Variants in WDR19 observed in about 807,000 individuals in gnomAD.
WDR19 encodes the protein WD repeat-containing protein 19.
In WDR19, 121 loss-of-function variants were observed where a neutral mutation model predicts 180.0. That is an observed-to-expected ratio of 0.67 (90% confidence interval 0.58 to 0.78). The LOEUF is 0.78. WDR19 is among the 30% of genes least tolerant of loss of function. The pLI, the probability that WDR19 is intolerant of heterozygous loss-of-function variation, is 0.00. For missense variants in WDR19, 1,450 were observed against 1,640.7 expected, an observed-to-expected ratio of 0.88 and a Z score of 2.01; for synonymous variants, 497 against 540.7, an observed-to-expected ratio of 0.92 and a Z score of 1.12.
intron 29 of WDR19, among the ~76,000 whole-genome samples, chr4:39,267,229 T>C (rs1734901637): frequency 6.6e-6 from 1 of 152,178 alleles, no homozygotes; most frequent in Admixed American, 6.5e-5. Context: ...CTCCTTCCCC[T>C]TTGCTTTATG....
intron 8 of WDR19, 129 bp downstream of exon 8, chr4:39,205,395 G>A (rs1727841267): frequency 8.5e-7 from 1 of 1,180,472 alleles, no homozygotes; most frequent in Non-Finnish European, 1.2e-6. Flanking sequence ...TCTGATTCAT[G>A]GTCTGTGATT....
chr4:39,205,428 T>C, intron 8 of WDR19, 135 bp from the exon 9 acceptor site: 1 of 1,200,732 alleles, frequency 8.3e-7, no homozygotes, highest in Admixed American at 2.7e-5. Flanking sequence ...CTACCTAGTA[T>C]ATTATCTGAC....
chr4:39,265,762 C>T lies in WDR19; in HGVS notation c.3184-301C>T, dbSNP rs528337269. Among the ~76,000 whole-genome samples the T allele has an allele frequency of 5.0e-5, 6 of 120,934 alleles. No individual in the cohort carries two copies. In the East Asian group the frequency reaches 1.5e-3, roughly 30 times the overall value. 79.3% of individuals were successfully genotyped at this position (120,934 alleles called of 152,430 possible). A position where few individuals can be genotyped will look rare whatever the true frequency, so the allele number is the denominator to read the frequency against. ...ACTCCAGCCTGGTGACAGAGCAAGACTCTGTCTCAAAAAAAAAAAAAAAAA... is the reference window on the plus strand; with the variant it reads ...ACTCCAGCCTGGTGACAGAGCAAGATTCTGTCTCAAAAAAAAAAAAAAAAA... On this transcript the variant is annotated intron_variant, in intron 28 of 36. Transcript: ENST00000399820.
intron 2 of WDR19, 140 bp downstream of exon 2, chr4:39,185,957 A>G: frequency 6.0e-5 from 41 of 685,560 alleles, no homozygotes; most frequent in South Asian, 9.9e-5. Context: ...GTGCAGTGGC[A>G]CGATCTCAGC....
chr4:39,200,891 G>A (rs1003970246), intron 6 of WDR19, among the ~76,000 whole-genome samples: 6 of 152,124 alleles, frequency 3.9e-5, no homozygotes, highest in Non-Finnish European at 8.8e-5. Context: ...TTGATTAATT[G>A]CCATATTTTG....
At chr4:39,234,707 TGG>T (rs1731204545) in intron 19 of WDR19, 57 bp from the exon 20 acceptor site, 4 of 1,074,178 alleles carry the variant, frequency 3.7e-6, no homozygotes, top group Middle Eastern at 2.0e-4. Flanking sequence ...TAGCTCTTTG[TGG>T]TAACTTTGCA....
intron 20 of WDR19, among the ~76,000 whole-genome samples, chr4:39,238,207 T>C (rs1372965895): frequency 6.6e-6 from 1 of 152,214 alleles, no homozygotes; most frequent in Admixed American, 6.5e-5. Context: ...CCACCAGCTA[T>C]GACTTTGACA....
intron 9 of WDR19, among the ~76,000 whole-genome samples, chr4:39,208,704 A>T (rs183476539): frequency 6.6e-6 from 1 of 152,302 alleles, no homozygotes; most frequent in Admixed American, 6.5e-5. Context: ...GACCATACAA[A>T]TGCTAACCAG....
In WDR19 at chr4:39,201,352, A is replaced by G. The variant is rs541666086; in HGVS notation, c.522+1759A>G. Among the ~76,000 whole-genome samples, 48 of 152,320 alleles carry G rather than the reference A, an allele frequency of 3.2e-4. 1 individual carries two copies. In the South Asian group the frequency reaches 8.1e-3, roughly 26 times the overall value. The stretch of plus-strand genomic sequence containing the variant: ...TGCATTTATTATTTCCCTTCATATC[A>G]TATGACTAGAACCTAGTCATGTGGC... On this transcript the variant is annotated intron_variant, in intron 6 of 36. Coordinates refer to ENST00000399820, the MANE Select transcript of WDR19 (RefSeq NM_025132.4).
At chr4:39,240,404 C>A in intron 21 of WDR19, 70 bp downstream of exon 21, 1 of 981,426 alleles carries the variant, frequency 1.0e-6, no homozygotes, top group South Asian at 2.6e-5. Context: ...TTTTAAAAAT[C>A]ATGGTCTTAT....
In WDR19 at chr4:39,285,499, TGAG is replaced by T. The variant is rs1289552698; in HGVS notation, c.*27_*29del. On this transcript the variant is annotated 3_prime_UTR_variant, in exon 37 of 37. Transcript: ENST00000399820. ...TTGTCCTTTCTAGATACAATGCTCC[TGAG>T]AAGACAGCATTTTCCACAGGAGGCT... is the stretch of plus-strand genomic sequence containing the variant. The T allele has an allele frequency of 1.3e-5, 2 of 152,234 alleles. No homozygotes were observed. Among genetic ancestry groups the T allele is most frequent in the African/African-American group, 4.8e-5 (2 of 41,472 alleles). 9.4% of individuals were successfully genotyped at this position (152,234 alleles called of 1,614,324 possible).
intron 28 of WDR19, 91 bp downstream of exon 28, chr4:39,257,645 A>G: frequency 8.4e-7 from 1 of 1,195,564 alleles, no homozygotes; most frequent in African/African-American, 1.5e-5. Context: ...AGTAGACCAA[A>G]CAGTATTACA....
chr4:39,241,372 A>C (rs1731921493), intron 21 of WDR19, among the ~76,000 whole-genome samples: 1 of 151,940 alleles, frequency 6.6e-6, no homozygotes, highest in South Asian at 2.1e-4. Flanking sequence ...GGGTGCCTAT[A>C]ATCCCAGCTA....
rs756769725 is a variant in WDR19 at position 39,218,138 on chromosome 4, G to A, written c.1479+33G>A. 6.4e-6 allele frequency: 10 copies of A among 1,566,024 alleles called. No individual in the cohort carries two copies. The East Asian group carries it at 2.3e-4, about 36-fold the overall frequency. Reference sequence around the variant, plus strand: ...TTGCCTTCTTTTTTAGAGAACACTGGGAATTTTTAATTTTTATTTTGTGAT... The same window carrying A: ...TTGCCTTCTTTTTTAGAGAACACTGAGAATTTTTAATTTTTATTTTGTGAT... On this transcript the variant is annotated intron_variant, in intron 14 of 36. Transcript: ENST00000399820.
intron 16 of WDR19, 38 bp from the exon 17 acceptor site, chr4:39,228,448 T>C (rs749503389): frequency 1.9e-6 from 3 of 1,609,730 alleles, no homozygotes; most frequent in Non-Finnish European, 2.5e-6. Context: ...GTGCTGAGTA[T>C]TAGCTTTCAG....
At chr4:39,232,357 G>C in intron 19 of WDR19, 85 bp downstream of exon 19, 1 of 1,120,586 alleles carries the variant, frequency 8.9e-7, no homozygotes. Flanking sequence ...GGGTGCAGCC[G>C]CTCACGCCTC....
chr4:39,230,229 G>C (rs143540081), intron 17 of WDR19, among the ~76,000 whole-genome samples: 3 of 152,114 alleles, frequency 2.0e-5, no homozygotes, highest in African/African-American at 7.2e-5. Flanking sequence ...TGTTCCACTG[G>C]CTGCTGAAAT....
chr4:39,253,285 G>A lies in WDR19; in HGVS notation c.2869G>A (p.Val957Ile). ...CCAGTCTCTGGATGGAGCCAAAATG[G>A]TAGCCAGGTAACATAATACATTAAT... ...ETQSLDGAKMVARFFLQLGDY... is the reference protein window; with the variant it reads ...ETQSLDGAKMIARFFLQLGDY... The change falls in exon 25 of 37, where the codon GTA (valine) becomes ATA (isoleucine). Residue 957 changes from valine (V) to isoleucine (I), a missense_variant. Coordinates refer to ENST00000399820, the MANE Select transcript of WDR19 (RefSeq NM_025132.4). The A allele has an allele frequency of 6.2e-7, 1 of 1,611,146 alleles. No individual in the cohort carries two copies. Among genetic ancestry groups the A allele is most frequent in the Non-Finnish European group, 8.5e-7 (1 of 1,179,184 alleles).
intron 21 of WDR19, 142 bp downstream of exon 21, chr4:39,240,476 G>T: frequency 2.6e-6 from 1 of 383,768 alleles, no homozygotes; most frequent in Non-Finnish European, 4.5e-6. Context: ...AACCTTGCAA[G>T]GAAATAGTTA....
Sources: gnomAD v4.1 joint callset for allele counts (sites outside exome capture counted in the v4.1 genomes callset) on GRCh38, gnomAD v4.1.1 for gene constraint, MANE v1.5 for transcripts, NCBI Gene and HGNC (gene_info 2026-07-23, HGNC 2026-07-21) for gene names.